UGGT1: variants seen among roughly 807,000 people sequenced by gnomAD.
UGGT1 encodes the protein UDP-glucose:glycoprotein glucosyltransferase 1.
Under a neutral mutation model 203.9 loss-of-function variants are expected in UGGT1, and 107 were observed. That is an observed-to-expected ratio of 0.52 (90% CI 0.45 to 0.62). The LOEUF (loss-of-function observed/expected upper bound fraction) is 0.62. Among genes scored for constraint, UGGT1 ranks in the 20% least tolerant of loss-of-function variants. UGGT1 has a pLI of 0.00. For synonymous variants in UGGT1, 628 were observed against 653.5 expected, an observed-to-expected ratio of 0.96 and a Z score of 0.59; for missense variants, 1,673 against 1,867.2, an observed-to-expected ratio of 0.90 and a Z score of 1.92.
intron 18 of UGGT1, among the ~76,000 whole-genome samples, chr2:128,150,743 A>G (rs1270471538): frequency 6.7e-6 from 1 of 148,612 alleles, no homozygotes; most frequent in Non-Finnish European, 1.5e-5. Flanking sequence ...TTCCAGCTAT[A>G]GGTGGCAAAA....
At chr2:128,128,819 G>A (rs1688739485) in intron 12 of UGGT1, among the ~76,000 whole-genome samples, 1 of 152,184 alleles carries the variant, frequency 6.6e-6, no homozygotes, top group South Asian at 2.1e-4. Context: ...AGAATACAGA[G>A]AGATTAATGT....
At chr2:128,091,647 T>G in intron 1 of UGGT1, 1 of 1,349,496 alleles carries the variant, frequency 7.4e-7, no homozygotes, top group Non-Finnish European at 9.8e-7. Flanking sequence ...GTCTTGAACC[T>G]TCTTTGAAGA....
intron 3 of UGGT1, among the ~76,000 whole-genome samples, chr2:128,105,260 TTTTTA>T (rs1256091246): frequency 6.6e-6 from 1 of 151,252 alleles, no homozygotes; most frequent in East Asian, 1.9e-4. Flanking sequence ...TTTTGTTTTA[TTTTTA>T]TTTTATTTCA....
At chr2:128,133,333 A>C in intron 14 of UGGT1, 73 bp downstream of exon 14, 1 of 1,571,576 alleles carries the variant, frequency 6.4e-7, no homozygotes, top group East Asian at 2.3e-5. Flanking sequence ...TGTCATGTAG[A>C]ATGGTCACTT....
intron 2 of UGGT1, 151 bp from the exon 3 acceptor site, chr2:128,103,781 A>G (rs1323214343): frequency 3.3e-6 from 1 of 303,398 alleles, no homozygotes; most frequent in African/African-American, 2.2e-5. Flanking sequence ...AAAAATATAT[A>G]TATTATACAT....
At chr2:128,117,296 G>A (rs920889065) in intron 8 of UGGT1, among the ~76,000 whole-genome samples, 7 of 152,040 alleles carry the variant, frequency 4.6e-5, no homozygotes, top group Non-Finnish European at 8.8e-5. Context: ...CACCATGTTG[G>A]CCAGGCTGGT....
intron 29 of UGGT1, 63 bp downstream of exon 29, chr2:128,172,825 G>GTCTA (rs1691180318): frequency 6.8e-7 from 1 of 1,480,004 alleles, no homozygotes; most frequent in East Asian, 2.3e-5. Flanking sequence ...TTGAATCATA[G>GTCTA]TCTAGGTGGG....
intron 16 of UGGT1, among the ~76,000 whole-genome samples, chr2:128,139,286 G>A (rs1573557425): frequency 6.6e-6 from 1 of 152,184 alleles, no homozygotes; most frequent in East Asian, 1.9e-4. Flanking sequence ...AGATCTTGTT[G>A]TGTTGCTCAA....
chr2:128,186,588 C>CA, intron 38 of UGGT1, 95 bp from the exon 39 acceptor site: 1 of 990,478 alleles, frequency 1.0e-6, no homozygotes. Flanking sequence ...ACCTGGGTGA[C>CA]AGAGTGGGAC....
chr2:128,190,013 T>C lies in UGGT1; in HGVS notation c.*271T>C. On this transcript the variant is annotated 3_prime_UTR_variant, in exon 41 of 41. Coordinates refer to ENST00000259253, the MANE Select transcript of UGGT1 (RefSeq NM_020120.4). ...GCATTCTTCTAGTCAGAGGGTGGAA[T>C]GGCAGCAGCAACTGGAAGAAAATGA... 1 of 366,380 alleles carries C rather than the reference T, an allele frequency of 2.7e-6. No homozygotes were observed. The highest frequency in any genetic ancestry group is 5.0e-6 in the Non-Finnish European group (1 of 201,274). 22.7% of individuals were successfully genotyped at this position (366,380 alleles called of 1,614,324 possible). A position where few individuals can be genotyped will look rare whatever the true frequency, so the allele number is the denominator to read the frequency against.
intron 18 of UGGT1, among the ~76,000 whole-genome samples, chr2:128,148,096 C>T (rs997773289): frequency 1.8e-4 from 28 of 152,186 alleles, no homozygotes; most frequent in African/African-American, 6.7e-4. Flanking sequence ...GAGTTTCGCT[C>T]TATTGCCCAG....
At chr2:128,127,801 C>T (rs911718117) in intron 12 of UGGT1, among the ~76,000 whole-genome samples, 29 of 152,194 alleles carry the variant, frequency 1.9e-4, no homozygotes, top group African/African-American at 6.3e-4. Flanking sequence ...GGGCCTGGCA[C>T]GGTGGCTCAT....
intron 1 of UGGT1, among the ~76,000 whole-genome samples, chr2:128,092,359 G>A (rs1376735632): frequency 4.1e-5 from 4 of 96,924 alleles, no homozygotes; most frequent in African/African-American, 1.5e-4. Flanking sequence ...GTAGAGATGA[G>A]GTCTTGTTAC....
chr2:128,113,980 CA>C lies in UGGT1; in HGVS notation c.696+739del, dbSNP rs1310994624. On this transcript the variant is annotated intron_variant, in intron 6 of 40. Transcript: ENST00000259253. Reference sequence around the variant, plus strand: ...TGGGCGACAGAGCGAGACTCCGTCTCAAAAAAAAAAAAAAAAAGACTCTGTG... The same window carrying C: ...TGGGCGACAGAGCGAGACTCCGTCTCAAAAAAAAAAAAAAAAGACTCTGTG... Among the ~76,000 whole-genome samples the C allele has an allele frequency of 2.3e-3, 9 of 3,968 alleles. 1 individual carries two copies. The highest frequency in any genetic ancestry group is 0.013 in the South Asian group (2 of 156). 2.6% of individuals were successfully genotyped at this position (3,968 alleles called of 152,430 possible). A position where few individuals can be genotyped will look rare whatever the true frequency, so the allele number is the denominator to read the frequency against.
rs573241385 is a variant in UGGT1 at position 128,170,743 on chromosome 2, A to AT, written c.3024+359dup. The stretch of plus-strand genomic sequence containing the variant: ...TTTTCCTTTTTTATAACTACCATGG[A>AT]TTTTTTGTCTTGGCATGTCTTTTAG... On this transcript the variant is annotated intron_variant, in intron 27 of 40. Coordinates refer to ENST00000259253, the MANE Select transcript of UGGT1 (RefSeq NM_020120.4). 4.6e-5 allele frequency among the ~76,000 whole-genome samples: 7 copies of AT among 152,298 alleles called. No individual in the cohort carries two copies. The South Asian group carries it at 1.5e-3, about 32-fold the overall frequency.
chr2:128,145,988 G>A (rs1436520995), intron 18 of UGGT1, 21 bp downstream of exon 18: 1 of 1,612,858 alleles, frequency 6.2e-7, no homozygotes, highest in Non-Finnish European at 8.5e-7. Context: ...TTTCAAGGCT[G>A]ATTTTTTAAA....
At chr2:128,153,669 G>A (rs1409786098) in intron 19 of UGGT1, among the ~76,000 whole-genome samples, 1 of 152,204 alleles carries the variant, frequency 6.6e-6, no homozygotes, top group Non-Finnish European at 1.5e-5. Context: ...TGTTGTGTAT[G>A]TCAGCATTTC....
At chr2:128,139,537 C>T (rs1287452389) in intron 16 of UGGT1, among the ~76,000 whole-genome samples, 1 of 152,134 alleles carries the variant, frequency 6.6e-6, no homozygotes, top group East Asian at 1.9e-4. Flanking sequence ...GAATGTCACA[C>T]AGAGACAGAC....
chr2:128,134,851 G>A, intron 14 of UGGT1, 25 bp from the exon 15 acceptor site: 1 of 1,598,266 alleles, frequency 6.3e-7, no homozygotes, highest in Non-Finnish European at 8.6e-7. Context: ...GTCATTTCAT[G>A]TGTTCTTTTC....
Sources: allele counts gnomAD v4.1 joint callset (sites outside exome capture counted in the v4.1 genomes callset), GRCh38; gene constraint gnomAD v4.1.1; transcripts MANE v1.5; gene names NCBI Gene and HGNC (gene_info 2026-07-23, HGNC 2026-07-21).